TRPM6: variants seen among roughly 807,000 people sequenced by gnomAD.
TRPM6 encodes transient receptor potential cation channel subfamily M member 6.
In TRPM6, 111 loss-of-function variants were observed where a neutral mutation model predicts 247.6. The observed-to-expected ratio is 0.45, with a 90% CI of 0.38 to 0.52. The LOEUF is 0.52. Among genes scored for constraint, TRPM6 ranks in the 20% least tolerant of loss-of-function variants. TRPM6 has a pLI of 0.00. For missense variants in TRPM6, 2,126 were observed against 2,421.5 expected (o/e 0.88, Z 2.56); for synonymous variants, 892 against 853.8 (o/e 1.04, Z -0.78).
rs768347614 is a variant in TRPM6, at chr9:74,827,905, G to A, written c.714C>T (p.Leu238=). ...YQTLDNPLSK[L]TTLNSMHSHF... ...GCGAGTGCATGCTGTTGAGTGTTGT[G>A]AGCTTGCTGAGGGGGTTATCCAGAG... Residue 238 remains leucine (L), a synonymous_variant, in exon 7 of 39, where the codon CTC becomes CTT. Transcript: ENST00000360774. 3.7e-6 allele frequency: 6 copies of A among 1,614,002 alleles called. No individual in the cohort carries two copies. Among genetic ancestry groups the A allele is most frequent in the Non-Finnish European group, 5.1e-6 (6 of 1,180,050 alleles).
chr9:74,785,723 C>A, intron 21 of TRPM6, 151 bp downstream of exon 21: 1 of 855,078 alleles, frequency 1.2e-6, no homozygotes, highest in Non-Finnish European at 1.9e-6. Context: ...CGGGGTTTCA[C>A]CCTGTTAGCC....
At chr9:74,867,594 T>C (rs532493082) in intron 1 of TRPM6, among the ~76,000 whole-genome samples, 2 of 152,320 alleles carry the variant, frequency 1.3e-5, no homozygotes, top group Admixed American at 6.5e-5. Flanking sequence ...AAGGGACTTT[T>C]CAAGGGTAGT....
chr9:74,740,336 G>A (rs1466475580), intron 33 of TRPM6, among the ~76,000 whole-genome samples: 1 of 152,188 alleles, frequency 6.6e-6, no homozygotes, highest in Non-Finnish European at 1.5e-5. Context: ...CTTCTAAAGA[G>A]ACGGTTTAAC....
At chr9:74,858,213 C>G (rs1412180735) in intron 2 of TRPM6, among the ~76,000 whole-genome samples, 1 of 152,148 alleles carries the variant, frequency 6.6e-6, no homozygotes, top group Non-Finnish European at 1.5e-5. Flanking sequence ...ACGGTGAAAC[C>G]CTGTCTCTAC....
At chr9:74,741,419 A>C (rs1363834104) in intron 33 of TRPM6, among the ~76,000 whole-genome samples, 1 of 151,980 alleles carries the variant, frequency 6.6e-6, no homozygotes, top group Non-Finnish European at 1.5e-5. Context: ...CTCACCAATA[A>C]ACACATCTAG....
At chr9:74,831,251 G>A (rs1193195739) in intron 6 of TRPM6, among the ~76,000 whole-genome samples, 2 of 152,082 alleles carry the variant, frequency 1.3e-5, no homozygotes, top group Admixed American at 1.3e-4. Context: ...CAGCACTTTG[G>A]GAGGCCGAAG....
At position 74,807,952 on chromosome 9, in the gene TRPM6, T is replaced by A. The variant is rs192235658; in HGVS notation, c.1638+82A>T. 7.8e-4 allele frequency: 1,187 copies of A among 1,519,268 alleles called. 6 individuals carry two copies. The African/African-American group carries it at 0.01, about 13-fold the overall frequency. 94.1% of individuals were successfully genotyped at this position (1,519,268 alleles called of 1,614,324 possible). A position where few individuals can be genotyped will look rare whatever the true frequency, so the allele number is the denominator to read the frequency against. On this transcript the variant is annotated intron_variant, in intron 14 of 38. Coordinates refer to ENST00000360774, the MANE Select transcript of TRPM6 (RefSeq NM_017662.5). ...ATGACCATTTTAGGAGCTATTTTTG[T>A]CTGAACTTCCAAGGCCATTTTTCCA...
chr9:74,801,769 C>T, intron 16 of TRPM6, 129 bp downstream of exon 16: 1 of 1,159,988 alleles, frequency 8.6e-7, no homozygotes, highest in East Asian at 2.4e-5. Context: ...ACCCTTTTAA[C>T]AGGAGAGTCC....
At chr9:74,807,397 CTCA>C (rs1828561618) in intron 14 of TRPM6, among the ~76,000 whole-genome samples, 1 of 152,174 alleles carries the variant, frequency 6.6e-6, no homozygotes, top group South Asian at 2.1e-4. Context: ...TAATCCTCCC[CTCA>C]TCTTCTAATA....
At chr9:74,876,555 C>T (rs1006122542) in intron 1 of TRPM6, among the ~76,000 whole-genome samples, 4 of 152,204 alleles carry the variant, frequency 2.6e-5, no homozygotes, top group African/African-American at 9.6e-5. Flanking sequence ...AGGAACACAA[C>T]AGCTCATAAA....
At chr9:74,810,313 T>C (rs1176366164) in intron 13 of TRPM6, among the ~76,000 whole-genome samples, 1 of 152,100 alleles carries the variant, frequency 6.6e-6, no homozygotes, top group Non-Finnish European at 1.5e-5. Context: ...GAGAACACCA[T>C]GAGCAAAACA....
intron 5 of TRPM6, among the ~76,000 whole-genome samples, chr9:74,838,809 G>T (rs890605209): frequency 6.6e-6 from 1 of 151,958 alleles, no homozygotes; most frequent in Admixed American, 6.6e-5. Flanking sequence ...GTAAAGGGAA[G>T]ATAGAAAACC....
rs139881911 is a variant in TRPM6, at chr9:74,789,226, G to A, written c.2539-484C>T. Reference sequence around the variant, plus strand: ...TATTTTATGTTGATTAAAATACTCTGTTTAATAGAAAAGTTGTGTCCAACT... The same window carrying A: ...TATTTTATGTTGATTAAAATACTCTATTTAATAGAAAAGTTGTGTCCAACT... On this transcript the variant is annotated intron_variant, in intron 19 of 38. Coordinates refer to ENST00000360774, the MANE Select transcript of TRPM6 (RefSeq NM_017662.5). Among the ~76,000 whole-genome samples, 900 of 152,288 alleles carry A rather than the reference G, an allele frequency of 5.9e-3. 25 individuals are homozygous for A. Among genetic ancestry groups the A allele is most frequent in the Non-Finnish European group, 2.2e-3 (148 of 68,028 alleles).
chr9:74,786,073 C>A lies in TRPM6; in HGVS notation c.2720G>T (p.Ser907Ile). ...KFTQKVKVWI[S>I]EYWNLTETVA... ...AGTTTCTGTTAAGTTCCAGTACTCA[C>A]TAATCCATACCTTCACCTTTTGGGT... Residue 907 changes from serine to isoleucine, a missense_variant, in exon 21 of 39, where the codon AGT (serine) becomes ATT (isoleucine). Transcript: ENST00000360774. 6.2e-7 allele frequency: 1 copy of A among 1,614,214 alleles called. No homozygotes were observed. Among genetic ancestry groups the A allele is most frequent in the Non-Finnish European group, 8.5e-7 (1 of 1,180,028 alleles).
chr9:74,829,407 C>T (rs1829468530), intron 6 of TRPM6, among the ~76,000 whole-genome samples: 1 of 152,210 alleles, frequency 6.6e-6, no homozygotes, highest in Non-Finnish European at 1.5e-5. Context: ...AGCTGCTCCA[C>T]TTCGTATTTG....
At chr9:74,733,975 A>G in intron 36 of TRPM6, among the ~76,000 whole-genome samples, 1 of 152,234 alleles carries the variant, frequency 6.6e-6, no homozygotes, top group East Asian at 1.9e-4. Context: ...ATGTATGCTT[A>G]TGGTATGTGA....
At chr9:74,738,713 T>A in intron 35 of TRPM6, 101 bp from the exon 36 acceptor site, 1 of 985,260 alleles carries the variant, frequency 1.0e-6, no homozygotes, top group Non-Finnish European at 1.6e-6. Flanking sequence ...AACTCTGGTA[T>A]GATGCAGCCT....
At chr9:74,820,180 GCCCCT>G in intron 9 of TRPM6, 119 bp downstream of exon 9, 2 of 1,071,290 alleles carry the variant, frequency 1.9e-6, no homozygotes, top group South Asian at 2.7e-5. Flanking sequence ...ACCCTGACAG[GCCCCT>G]GTATGTTGTT....
At chr9:74,874,008 G>A (rs12337086) in intron 1 of TRPM6, among the ~76,000 whole-genome samples, 9,823 of 152,112 alleles carry the variant, frequency 0.065, 341 homozygotes, top group South Asian at 0.081. Context: ...GGCTGAGGCA[G>A]GCAGATCACC....
Sources: allele counts gnomAD v4.1 joint callset (sites outside exome capture counted in the v4.1 genomes callset), GRCh38; gene constraint gnomAD v4.1.1; transcripts MANE v1.5; gene names NCBI Gene and HGNC (gene_info 2026-07-23, HGNC 2026-07-21).